The following MYO16 variants were observed in gnomAD, a reference collection of about 807,000 sequenced individuals.
MYO16 encodes the protein unconventional myosin-XVI.
Under a neutral mutation model 205.3 loss-of-function variants are expected in MYO16, and 94 were observed. The observed-to-expected ratio is 0.46, with a 90% CI of 0.39 to 0.54. The LOEUF is 0.54. MYO16 is among the 20% of genes least tolerant of loss of function. The pLI, the probability that MYO16 is intolerant of heterozygous loss-of-function variation, is 0.00. For synonymous variants in MYO16, 988 were observed against 954.0 expected (o/e 1.04, Z -0.66); for missense variants, 2,315 against 2,387.5 (o/e 0.97, Z 0.63).
intron 6 of MYO16, among the ~76,000 whole-genome samples, chr13:108,797,307 A>G (rs1001941721): frequency 4.6e-5 from 7 of 152,222 alleles, no homozygotes; most frequent in African/African-American, 9.7e-5. Flanking sequence ...TCTCTAGATG[A>G]AAGAAAGAAT....
chr13:108,896,369 C>T (rs1880412352), intron 14 of MYO16, among the ~76,000 whole-genome samples: 1 of 152,050 alleles, frequency 6.6e-6, no homozygotes, highest in Admixed American at 6.6e-5. Flanking sequence ...TTACTAAGTA[C>T]TATTTCATTT....
intron 2 of MYO16, among the ~76,000 whole-genome samples, chr13:108,672,741 G>A (rs7331681): frequency 0.31 from 46,974 of 151,868 alleles, 7,588 homozygotes; most frequent in African/African-American, 0.41. Context: ...TTTGAGTTAC[G>A]CCACATGAAA....
rs563089821 is a variant in MYO16, at chr13:109,126,248, A to T, written c.3782+890A>T. Among the ~76,000 whole-genome samples the T allele has an allele frequency of 4.6e-5, 7 of 152,328 alleles. No homozygotes were observed. The South Asian group carries it at 1.4e-3, about 32-fold the overall frequency. On this transcript the variant is annotated intron_variant, in intron 30 of 34. Transcript: ENST00000457511. ...TGAAAAAAATCCCCTTTGTACAGAA[A>T]AAAAGACTGTAATTAAACATTACAG...
At chr13:108,885,699 A>G (rs985997734) in intron 13 of MYO16, among the ~76,000 whole-genome samples, 12 of 152,130 alleles carry the variant, frequency 7.9e-5, no homozygotes, top group Non-Finnish European at 1.8e-4. Flanking sequence ...ATTTCTTTAG[A>G]ATTTACATAA....
At chr13:109,190,363 C>CT (rs1879859237) in intron 34 of MYO16, among the ~76,000 whole-genome samples, 1 of 152,170 alleles carries the variant, frequency 6.6e-6, no homozygotes, top group Admixed American at 6.5e-5. Flanking sequence ...CCTCCTAACA[C>CT]TGAGTATGTC....
the MYO16 span, among the ~76,000 whole-genome samples, chr13:108,553,527 T>G: frequency 2.0e-5 from 3 of 152,248 alleles, no homozygotes; most frequent in Non-Finnish European, 2.9e-5. Flanking sequence ...CATACTTTAC[T>G]GTAACTTCAT....
At chr13:108,824,577 A>G (rs951348687) in intron 9 of MYO16, among the ~76,000 whole-genome samples, 3 of 152,110 alleles carry the variant, frequency 2.0e-5, no homozygotes, top group African/African-American at 7.2e-5. Flanking sequence ...TGGGCAAAAT[A>G]TCAACAAGGG....
At chr13:109,025,267 A>T (rs1886327309) in intron 23 of MYO16, among the ~76,000 whole-genome samples, 1 of 152,150 alleles carries the variant, frequency 6.6e-6, no homozygotes, top group African/African-American at 2.4e-5. Context: ...CCTATCCTGA[A>T]AGCTCTGACC....
chr13:108,633,885 C>T (rs554667344), intron 1 of MYO16, among the ~76,000 whole-genome samples: 4 of 152,332 alleles, frequency 2.6e-5, no homozygotes, highest in African/African-American at 7.2e-5. Context: ...AAGCTGCTCC[C>T]TCCATGTCCT....
Position 108,654,325 on chromosome 13 carries a change from C to T in MYO16, c.29-11561C>T, listed in dbSNP as rs550539249. ...GGGGCGGTTTCCCCCATACTGTTCTCGTGCTAGGAAGTCTCACGAGATCTG... is the reference window on the plus strand; with the variant it reads ...GGGGCGGTTTCCCCCATACTGTTCTTGTGCTAGGAAGTCTCACGAGATCTG... On this transcript the variant is annotated intron_variant, in intron 1 of 34. Transcript: ENST00000457511. Among the ~76,000 whole-genome samples, 8 of 152,260 alleles carry T rather than the reference C, an allele frequency of 5.3e-5. No individual in the cohort carries two copies. The East Asian group carries it at 7.7e-4, about 15-fold the overall frequency.
chr13:108,699,730 T>C (rs1027993168), intron 2 of MYO16, among the ~76,000 whole-genome samples: 2 of 152,216 alleles, frequency 1.3e-5, no homozygotes, highest in African/African-American at 4.8e-5. Context: ...AAAAGTTCTG[T>C]AGAACATGTA....
chr13:108,702,617 T>C (rs569978260), intron 2 of MYO16, among the ~76,000 whole-genome samples: 5 of 152,286 alleles, frequency 3.3e-5, no homozygotes, highest in African/African-American at 1.2e-4. Flanking sequence ...CACTTGGAAG[T>C]TAAACACATA....
intron 20 of MYO16, among the ~76,000 whole-genome samples, chr13:108,983,712 C>T (rs911572132): frequency 4.6e-5 from 7 of 152,130 alleles, no homozygotes; most frequent in South Asian, 2.1e-4. Context: ...ATAGACTAAA[C>T]GCTGCCTGAG....
chr13:108,691,244 T>G lies in MYO16; in HGVS notation c.293-21417T>G, dbSNP rs543678986. Among the ~76,000 whole-genome samples, 9 of 152,294 alleles carry G rather than the reference T, an allele frequency of 5.9e-5. 1 individual carries two copies. Among genetic ancestry groups the G allele is most frequent in the African/African-American group, 2.2e-4 (9 of 41,568 alleles). ...GCTCATGAAAGTGTCTCGGTGCCACTTCATTTACTTCACTTATTCTTTACA... is the reference window on the plus strand; with the variant it reads ...GCTCATGAAAGTGTCTCGGTGCCACGTCATTTACTTCACTTATTCTTTACA... On this transcript the variant is annotated intron_variant, in intron 2 of 34. Transcript: ENST00000457511.
intron 33 of MYO16, among the ~76,000 whole-genome samples, chr13:109,174,635 C>G (rs1370962660): frequency 1.3e-5 from 2 of 151,936 alleles, no homozygotes; most frequent in East Asian, 3.9e-4. Flanking sequence ...ATTGACTAAA[C>G]AAGTTTGGGT....
chr13:109,084,867 A>AC (rs1888390762), intron 27 of MYO16, among the ~76,000 whole-genome samples: 1 of 152,178 alleles, frequency 6.6e-6, no homozygotes, highest in Non-Finnish European at 1.5e-5. Context: ...CAGAGAAAAC[A>AC]GAAAAATGAC....
chr13:108,812,136 G>A (rs1029583841), intron 7 of MYO16, among the ~76,000 whole-genome samples: 1 of 151,986 alleles, frequency 6.6e-6, no homozygotes, highest in African/African-American at 2.4e-5. Context: ...TACCTTGCAC[G>A]GCTACATTGA....
At chr13:109,022,738 A>ATAT (rs1886122127) in intron 23 of MYO16, among the ~76,000 whole-genome samples, 2 of 78,964 alleles carry the variant, frequency 2.5e-5, no homozygotes, top group Admixed American at 1.5e-4. Context: ...TGTATATATT[A>ATAT]TATATATGCA....
At chr13:108,667,839 A>G (rs1180480767) in intron 2 of MYO16, among the ~76,000 whole-genome samples, 4 of 152,158 alleles carry the variant, frequency 2.6e-5, no homozygotes, top group Non-Finnish European at 5.9e-5. Flanking sequence ...TGAGGCCAGG[A>G]GTTTGAGACA....
Sources: gnomAD v4.1 joint callset for allele counts (sites outside exome capture counted in the v4.1 genomes callset) on GRCh38, gnomAD v4.1.1 for gene constraint, MANE v1.5 for transcripts, NCBI Gene and HGNC (gene_info 2026-07-23, HGNC 2026-07-21) for gene names.